The following NBPF12 variants were observed in gnomAD, a reference collection of about 807,000 sequenced individuals.
The protein encoded by NBPF12 is NBPF family member NBPF12.
A neutral mutation model predicts 146.4 loss-of-function variants in NBPF12; 115 were observed. The ratio of observed to expected loss-of-function variants is 0.79; its 90% CI spans 0.68 to 0.92. The LOEUF (loss-of-function observed/expected upper bound fraction) is 0.92. NBPF12 is among the 40% of genes least tolerant of loss of function. The pLI is 0.00. For missense variants in NBPF12, 1,205 were observed against 1,326.8 expected, an observed-to-expected ratio of 0.91 and a Z score of 1.43; for synonymous variants, 385 against 508.9, an observed-to-expected ratio of 0.76 and a Z score of 3.28.
At chr1:146,964,651 C>A (rs1185234940) in intron 7 of NBPF12, among the ~76,000 whole-genome samples, 2 of 151,926 alleles carry the variant, frequency 1.3e-5, no homozygotes, top group African/African-American at 4.9e-5. Flanking sequence ...AGTCTTCATC[C>A]TCCTCAGCTC....
At chr1:146,947,162 C>G (rs1340791400), upstream of NBPF12, among the ~76,000 whole-genome samples, 8 of 151,658 alleles carry the variant, frequency 5.3e-5, no homozygotes, top group Non-Finnish European at 1.0e-4. Flanking sequence ...TGGTTGAGAT[C>G]ATTGTAGTAA....
rs1182574290 is a variant in NBPF12, at chr1:146,950,759, A to G, written c.-325-589A>G. Reference sequence around the variant, plus strand: ...CTTGTATTGATAGATATTTGAATGTATATTTGAATGTATATTGATAGATAT... The same window carrying G: ...CTTGTATTGATAGATATTTGAATGTGTATTTGAATGTATATTGATAGATAT... On this transcript the variant is annotated intron_variant, in intron 1 of 33. Coordinates refer to ENST00000617844, the Ensembl canonical transcript of NBPF12. Among the ~76,000 whole-genome samples the G allele has an allele frequency of 3.3e-3, 504 of 152,242 alleles. 4 individuals are homozygous for G. The highest frequency in any genetic ancestry group is 8.9e-3 in the Admixed American group (136 of 15,304).
chr1:146,974,714 T>G (rs1251220140), intron 14 of NBPF12, 25 bp from the exon 18 acceptor site: 4 of 762,500 alleles, frequency 5.2e-6, no homozygotes, highest in African/African-American at 3.5e-5. Context: ...CTTCCACTGA[T>G]GCAGGCGTGT....
At chr1:146,962,358 A>T (rs1231276408) in intron 5 of NBPF12, 95 bp downstream of exon 8, 1 of 1,037,636 alleles carries the variant, frequency 9.6e-7, no homozygotes, top group Non-Finnish European at 1.5e-6. Context: ...AAGCTGGGCC[A>T]GGGAAAGGGC....
chr1:146,972,311 T>G (rs1299152339), intron 13 of NBPF12, among the ~76,000 whole-genome samples: 3 of 150,880 alleles, frequency 2.0e-5, no homozygotes, highest in Non-Finnish European at 2.9e-5. Context: ...TGAGAATCGC[T>G]TGAACCCGGG....
At chr1:146,943,025 G>C (rs1654874927) in intron 1 of NBPF12, among the ~76,000 whole-genome samples, 1 of 135,776 alleles carries the variant, frequency 7.4e-6, no homozygotes. Context: ...TCAGCCTCCC[G>C]AGTAGCTGAG....
exon 5 of NBPF12, chr1:146,962,247 C>A: frequency 6.2e-6 from 10 of 1,605,576 alleles, no homozygotes; most frequent in Non-Finnish European, 8.5e-6. Flanking sequence ...GCAGCTGAAA[C>A]AAGCTGAGGA....
chr1:146,965,695 G>A (rs1656146736), intron 8 of NBPF12, among the ~76,000 whole-genome samples: 1 of 146,882 alleles, frequency 6.8e-6, no homozygotes, highest in African/African-American at 2.5e-5. Flanking sequence ...AGGAGGCTGA[G>A]GCAGGAGAAT....
intron 1 of NBPF12, among the ~76,000 whole-genome samples, chr1:146,941,947 C>G (rs1654827030): frequency 6.7e-6 from 1 of 149,018 alleles, no homozygotes; most frequent in African/African-American, 2.5e-5. Flanking sequence ...CCACCTCCAC[C>G]TCCTGGCTCA....
chr1:146,954,993 T>C (rs1373125397), intron 2 of NBPF12, among the ~76,000 whole-genome samples: 5 of 64,450 alleles, frequency 7.8e-5, no homozygotes, highest in Admixed American at 4.3e-4. Flanking sequence ...TATATATATA[T>C]ATATATATAT....
At chr1:146,961,765 A>G (rs1261813773) in intron 4 of NBPF12, among the ~76,000 whole-genome samples, 1 of 151,940 alleles carries the variant, frequency 6.6e-6, no homozygotes, top group African/African-American at 2.4e-5. Context: ...CATCAGTCCC[A>G]TAGTCCTAGG....
intron 2 of NBPF12, among the ~76,000 whole-genome samples, chr1:146,952,254 G>C (rs1450370825): frequency 6.6e-6 from 1 of 152,112 alleles, no homozygotes; most frequent in South Asian, 2.1e-4. Flanking sequence ...GCTGAGGCTT[G>C]TGGGCTCTGT....
At chr1:146,943,368 T>C in exon 2 of NBPF12, 1 of 321,818 alleles carries the variant, frequency 3.1e-6, no homozygotes, top group Non-Finnish European at 5.8e-6. Flanking sequence ...GATTGTCCCT[T>C]ATCATTCTCC....
chr1:146,970,521 A>G (rs1656530778), intron 11 of NBPF12, 126 bp from the exon 15 acceptor site: 1 of 1,307,478 alleles, frequency 7.6e-7, no homozygotes, highest in African/African-American at 1.5e-5. Context: ...GTGAAAGATA[A>G]AACATGAGAG....
At chr1:146,970,858 A>G (rs1214189987) in intron 12 of NBPF12, 139 bp downstream of exon 15, 9 of 1,007,322 alleles carry the variant, frequency 8.9e-6, no homozygotes, top group Admixed American at 1.7e-5. Context: ...CCCAGCTTAG[A>G]CACAGGGTGT....
chr1:146,946,461 T>C (rs1360654040), upstream of NBPF12, among the ~76,000 whole-genome samples: 1 of 150,490 alleles, frequency 6.6e-6, no homozygotes, highest in Non-Finnish European at 1.5e-5. Context: ...CTTTCTCATA[T>C]GCTTATTTGC....
chr1:146,983,927 CAG>C (rs1171517878), intron 20 of NBPF12, among the ~76,000 whole-genome samples: 2 of 146,698 alleles, frequency 1.4e-5, no homozygotes, highest in African/African-American at 2.5e-5. Context: ...CATTCCAACA[CAG>C]GGGAATTTTG....
chr1:146,951,092 T>G (rs1381841022), intron 1 of NBPF12, among the ~76,000 whole-genome samples: 1 of 152,018 alleles, frequency 6.6e-6, no homozygotes, highest in Non-Finnish European at 1.5e-5. Flanking sequence ...ATGTAATTTT[T>G]TCTAACTGGA....
Position 146,951,343 on chromosome 1 carries a change from G to C in NBPF12, c.-325-5G>C. The C allele has an allele frequency of 1.6e-6, 1 of 628,816 alleles. No homozygotes were observed. Among genetic ancestry groups the C allele is most frequent in the Non-Finnish European group, 2.8e-6 (1 of 358,696 alleles). The allele number at this position is 628,816 out of a possible 1,614,324, so 39.0% of individuals were successfully genotyped here. A position where few individuals can be genotyped will look rare whatever the true frequency, so the allele number is the denominator to read the frequency against. ...GTAAATAAATTATTTGTTTCTTCTT[G>C]GTAGCCCTTGAAGATAAGGATGGTC... On this transcript the variant is annotated splice_polypyrimidine_tract_variant and splice_region_variant and intron_variant, in intron 1 of 33. Transcript: ENST00000617844.
Sources: allele counts gnomAD v4.1 joint callset (sites outside exome capture counted in the v4.1 genomes callset), GRCh38; gene constraint gnomAD v4.1.1; transcripts MANE v1.5; gene names NCBI Gene and HGNC (gene_info 2026-07-23, HGNC 2026-07-21).